KYAT1: variants seen among roughly 807,000 people sequenced by gnomAD.
KYAT1 encodes the protein kynurenine--oxoglutarate transaminase 1.
Under a neutral mutation model 52.4 loss-of-function variants are expected in KYAT1, and 47 were observed. That is an observed-to-expected ratio of 0.90 (90% CI 0.71 to 1.14). KYAT1 has a LOEUF of 1.14. KYAT1 is among the 50% of genes most tolerant of loss of function. The pLI, the probability that KYAT1 is intolerant of heterozygous loss-of-function variation, is 0.00. For synonymous variants in KYAT1, 212 were observed against 209.6 expected, an observed-to-expected ratio of 1.01 and a Z score of -0.10; for missense variants, 480 against 557.9, an observed-to-expected ratio of 0.86 and a Z score of 1.41.
chr9:128,833,304 C>G lies in KYAT1; in HGVS notation c.*280G>C. 1.8e-6 allele frequency: 1 copy of G among 569,264 alleles called. No individual in the cohort carries two copies. The allele number at this position is 569,264 out of a possible 1,614,324, so 35.3% of individuals were successfully genotyped here. ...AAGTCTACCGTCCGTCTCAGCCAAG[C>G]CTGGAGAGACCAGAAGCAACACAAG... On this transcript the variant is annotated 3_prime_UTR_variant, in exon 13 of 13. Transcript: ENST00000302586.
intron 4 of KYAT1, 25 bp from the exon 5 acceptor site, chr9:128,838,162 G>C (rs766476514): frequency 3.7e-6 from 6 of 1,614,104 alleles, no homozygotes; most frequent in Non-Finnish European, 5.1e-6. Flanking sequence ...AAATCAGCTG[G>C]AGTCAGCATG....
At chr9:128,859,307 G>A (rs1835118836) in intron 1 of KYAT1, among the ~76,000 whole-genome samples, 3 of 151,688 alleles carry the variant, frequency 2.0e-5, no homozygotes, top group Admixed American at 2.0e-4. Flanking sequence ...CCTGCAGTGA[G>A]CTGAGATCGC....
rs200864772 is a variant in KYAT1, at chr9:128,847,645, T to TAAC, written c.-6-2237_-6-2235dup. On this transcript the variant is annotated intron_variant, in intron 1 of 12. Transcript: ENST00000302586. ...GACTTGGGTCCCCCACACACAGCTC[T>TAAC]AACAATAACAACAACAACAACAACA... 1,838 of 574,248 alleles carry TAAC rather than the reference T, an allele frequency of 3.2e-3. 30 individuals are homozygous for TAAC. The East Asian group carries it at 0.046, about 15-fold the overall frequency. 35.6% of individuals were successfully genotyped at this position (574,248 alleles called of 1,614,324 possible). A position where few individuals can be genotyped will look rare whatever the true frequency, so the allele number is the denominator to read the frequency against.
At chr9:128,869,856 C>T (rs1343361037) in intron 1 of KYAT1, among the ~76,000 whole-genome samples, 1 of 151,642 alleles carries the variant, frequency 6.6e-6, no homozygotes, top group African/African-American at 2.4e-5. Context: ...TGGGTTCAAG[C>T]GATTCTCCTG....
chr9:128,879,396 A>G (rs1223486850), intron 1 of KYAT1, among the ~76,000 whole-genome samples: 2 of 151,978 alleles, frequency 1.3e-5, no homozygotes, highest in Admixed American at 1.3e-4. Context: ...CAGGAGTTAC[A>G]GTGACTGCCT....
In KYAT1 at chr9:128,833,828, T is replaced by C. The variant is rs910825993; in HGVS notation, c.1123-2A>G. Reference sequence around the variant, plus strand: ...GGAGACAGGGATGGCCACCAAGCCCTGGGGAGGAGGAAGGACATGTCTCAA... The same window carrying C: ...GGAGACAGGGATGGCCACCAAGCCCCGGGGAGGAGGAAGGACATGTCTCAA... On this transcript the variant is annotated splice_acceptor_variant, in intron 11 of 12. Transcript: ENST00000302586. LOFTEE classifies it high-confidence loss of function. 13 of 1,613,672 alleles carry C rather than the reference T, an allele frequency of 8.1e-6. No homozygotes were observed. The highest frequency in any genetic ancestry group is 1.1e-5 in the Non-Finnish European group (13 of 1,179,712).
chr9:128,856,838 T>C (rs62585572), intron 1 of KYAT1, among the ~76,000 whole-genome samples: 42 of 152,362 alleles, frequency 2.8e-4, no homozygotes, highest in Non-Finnish European at 5.1e-4. Flanking sequence ...AATATGGCCT[T>C]GTGGGATGAG....
chr9:128,840,538 A>G, intron 3 of KYAT1: 1 of 399,502 alleles, frequency 2.5e-6, no homozygotes, highest in Non-Finnish European at 4.8e-6. Context: ...GGCGTGAGCC[A>G]CCATACCCAG....
rs529370522 is a variant in KYAT1, at chr9:128,857,752, C to T, written c.-6-12341G>A. Among the ~76,000 whole-genome samples, 7 of 152,296 alleles carry T rather than the reference C, an allele frequency of 4.6e-5. No individual in the cohort carries two copies. The East Asian group carries it at 5.8e-4, about 13-fold the overall frequency. On this transcript the variant is annotated intron_variant, in intron 1 of 12. Transcript: ENST00000302586. ...TCTGGAGGCTGAGGCAGGAGAATGGCGTGAACCCGGGAGGCGGAGCTTGCA... is the reference window on the plus strand; with the variant it reads ...TCTGGAGGCTGAGGCAGGAGAATGGTGTGAACCCGGGAGGCGGAGCTTGCA...
chr9:128,837,694 G>T lies in KYAT1; in HGVS notation c.558C>A (p.Pro186=). 2 of 1,614,130 alleles carry T rather than the reference G, an allele frequency of 1.2e-6. No individual in the cohort carries two copies. The highest frequency in any genetic ancestry group is 1.7e-6 in the Non-Finnish European group (2 of 1,180,024). ...KALVLNTPNN[P]LGKVFSREEL... is the part of the protein sequence containing the mutation. ...GAGGTCCCTCCAGTACCTTGCCCAG[G>T]GGGTTGTTGGGGGTGTTGAGGACCA... is the stretch of plus-strand genomic sequence containing the variant. The change falls in exon 6 of 13, where the codon CCC becomes CCA. Residue 186 remains proline (P), a synonymous_variant. Coordinates refer to ENST00000302586, the MANE Select transcript of KYAT1 (RefSeq NM_004059.5).
chr9:128,871,974 C>G (rs1219980785), intron 1 of KYAT1, among the ~76,000 whole-genome samples: 1 of 146,100 alleles, frequency 6.8e-6, no homozygotes, highest in East Asian at 2.1e-4. Flanking sequence ...AAAAAAAATA[C>G]AAAAATTAGC....
Position 128,875,242 on chromosome 9 carries a change from T to C in KYAT1, c.-7+6655A>G, listed in dbSNP as rs2130829557. On this transcript the variant is annotated intron_variant, in intron 1 of 12. Coordinates refer to ENST00000302586, the MANE Select transcript of KYAT1 (RefSeq NM_004059.5). ...TATTCCATTTATGTTCAATTTGTTT[T>C]TTTTTGTTTTTTTTTTTTTTTTGGT... Among the ~76,000 whole-genome samples, 4 of 148,802 alleles carry C rather than the reference T, an allele frequency of 2.7e-5. No homozygotes were observed. In the East Asian group the frequency reaches 7.8e-4, roughly 29 times the overall value.
chr9:128,842,887 C>T (rs1166907810), intron 2 of KYAT1, 86 bp from the exon 3 acceptor site: 2 of 1,428,716 alleles, frequency 1.4e-6, no homozygotes, highest in East Asian at 4.8e-5. Context: ...GGACAACCGG[C>T]CAGGTGTGGT....
chr9:128,842,605 C>T (rs1233620717), intron 3 of KYAT1, 49 bp downstream of exon 3: 7 of 1,588,768 alleles, frequency 4.4e-6, no homozygotes, highest in Non-Finnish European at 6.0e-6. Flanking sequence ...TCCAGAAAGC[C>T]CTGTCCCCTT....
At chr9:128,836,150 G>T (rs1831056385) in intron 7 of KYAT1, 77 bp from the exon 8 acceptor site, 1 of 1,318,810 alleles carries the variant, frequency 7.6e-7, no homozygotes, top group East Asian at 2.3e-5. Flanking sequence ...GGGCCCCAGG[G>T]GACACGCATA....
chr9:128,880,367 C>T (rs572343491), intron 1 of KYAT1, among the ~76,000 whole-genome samples: 3 of 152,084 alleles, frequency 2.0e-5, no homozygotes, highest in Admixed American at 6.5e-5. Context: ...ATCTCAGTGG[C>T]GAGGGATAAG....
At chr9:128,879,138 G>A (rs182091358) in intron 1 of KYAT1, among the ~76,000 whole-genome samples, 72 of 152,216 alleles carry the variant, frequency 4.7e-4, no homozygotes, top group African/African-American at 1.6e-3. Flanking sequence ...GTGAAACCCC[G>A]TCTCTACTAA....
intron 1 of KYAT1, among the ~76,000 whole-genome samples, chr9:128,858,135 G>A (rs898206376): frequency 3.9e-5 from 6 of 151,942 alleles, no homozygotes; most frequent in Non-Finnish European, 8.8e-5. Context: ...GGTGGCTCAC[G>A]TCTGTAATCC....
intron 1 of KYAT1, among the ~76,000 whole-genome samples, chr9:128,868,778 T>A (rs893889479): frequency 1.3e-5 from 2 of 150,520 alleles, no homozygotes; most frequent in African/African-American, 4.9e-5. Context: ...CGATCTTGGC[T>A]CACTACAACC....
Sources: gnomAD v4.1 joint callset for allele counts (sites outside exome capture counted in the v4.1 genomes callset) on GRCh38, gnomAD v4.1.1 for gene constraint, MANE v1.5 for transcripts, NCBI Gene and HGNC (gene_info 2026-07-23, HGNC 2026-07-21) for gene names.